Variants in KIF26A observed in about 807,000 individuals in gnomAD.
KIF26A encodes the protein kinesin family member 26A.
Under a neutral mutation model 126.0 loss-of-function variants are expected in KIF26A, and 74 were observed. That is an observed-to-expected ratio of 0.59 (90% confidence interval 0.49 to 0.71). The LOEUF (loss-of-function observed/expected upper bound fraction) is 0.71, where lower values mean the gene tolerates loss of function less well. Among genes scored for constraint, KIF26A ranks in the 30% least tolerant of loss-of-function variants. The pLI is 0.00. For missense variants in KIF26A, 2,984 were observed against 2,763.3 expected, an observed-to-expected ratio of 1.08 and a Z score of -1.79; for synonymous variants, 1,445 against 1,232.7, an observed-to-expected ratio of 1.17 and a Z score of -3.61.
chr14:104,180,024 C>T lies in KIF26A; in HGVS notation c.*234C>T. 1 of 451,000 alleles carries T rather than the reference C, an allele frequency of 2.2e-6. No individual in the cohort carries two copies. Among genetic ancestry groups the T allele is most frequent in the Non-Finnish European group, 3.9e-6 (1 of 258,098 alleles). The allele number at this position is 451,000 out of a possible 1,614,324, so 27.9% of individuals were successfully genotyped here. ...CACCACCCGACAGCAACGCAAGTGC[C>T]TTTGACCTTGATTTGGACTTTTCTC... On this transcript the variant is annotated 3_prime_UTR_variant, in exon 15 of 15. Coordinates refer to ENST00000423312, the MANE Select transcript of KIF26A (RefSeq NM_015656.2).
At chr14:104,156,356 G>T (rs1019031440) in intron 3 of KIF26A, among the ~76,000 whole-genome samples, 8 of 152,202 alleles carry the variant, frequency 5.3e-5, no homozygotes, top group African/African-American at 1.9e-4. Flanking sequence ...TTCCTGGCCT[G>T]CAGGCTGCTG....
rs971834512 is a variant in KIF26A at position 104,175,940 on chromosome 14, C to G, written c.3152C>G (p.Pro1051Arg). The part of the protein sequence containing the change: ...SLGALAGAGR[P>R]TSLASFDSDC... The stretch of plus-strand genomic sequence containing the variant: ...GGGGCGCTTGCCGGAGCTGGGCGGC[C>G]CACCAGCCTGGCTAGCTTCGACAGT... The change falls in exon 12 of 15, where the codon CCC (proline) becomes CGC (arginine). Residue 1051 changes from proline (P) to arginine (R), a missense_variant. Transcript: ENST00000423312. 15 of 1,560,596 alleles carry G rather than the reference C, an allele frequency of 9.6e-6. No homozygotes were observed. In the African/African-American group the frequency reaches 2.0e-4, roughly 21 times the overall value.
At position 104,151,890 on chromosome 14, in the gene KIF26A, T is replaced by TA; in HGVS notation, c.289-124dup. ...AAAGTGTTTGGGCTTATTAATCTGT[T>TA]ACGGATGGTGCGGTGGCCAGGCGGG... On this transcript the variant is annotated intron_variant, in intron 2 of 14. Coordinates refer to ENST00000423312, the MANE Select transcript of KIF26A (RefSeq NM_015656.2). This position sits in a 1 kb window ranked among gnomAD's most constrained non-coding sequence, Gnocchi z 4.9. The TA allele has an allele frequency of 1.3e-6, 1 of 757,692 alleles. No homozygotes were observed. The allele number at this position is 757,692 out of a possible 1,614,324, so 46.9% of individuals were successfully genotyped here.
At chr14:104,147,505 G>A (rs560233661) in intron 2 of KIF26A, among the ~76,000 whole-genome samples, 200 of 152,334 alleles carry the variant, frequency 1.3e-3, no homozygotes, top group African/African-American at 4.7e-3. Context: ...TGGCAGACCA[G>A]GGAGGGTCTG....
rs74963250 is a variant in KIF26A at position 104,146,546 on chromosome 14, C to A, written c.289-5469C>A. On this transcript the variant is annotated intron_variant, in intron 2 of 14. Transcript: ENST00000423312. ...CGGGTATGCAGAGGGTGGCGACCAC[C>A]GCAGATCCTCTGTGCCTGCTGCTGC... is the stretch of plus-strand genomic sequence containing the variant. Among the ~76,000 whole-genome samples, 821 of 152,138 alleles carry A rather than the reference C, an allele frequency of 5.4e-3. 5 individuals are homozygous for A. Among genetic ancestry groups the A allele is most frequent in the Middle Eastern group, 0.01 (3 of 294 alleles).
chr14:104,141,648 A>G (rs2037638429), intron 2 of KIF26A, among the ~76,000 whole-genome samples: 1 of 150,206 alleles, frequency 6.7e-6, no homozygotes, highest in Non-Finnish European at 1.5e-5. Flanking sequence ...AGGGAGGCGT[A>G]GAGGGTCGGG....
chr14:104,163,305 C>G (rs1295508177), intron 4 of KIF26A, among the ~76,000 whole-genome samples: 4 of 152,224 alleles, frequency 2.6e-5, no homozygotes, highest in Admixed American at 2.6e-4. Flanking sequence ...TGGGTTGTGG[C>G]TCTGCCCTCT....
At chr14:104,172,297 C>T (rs978148828) in intron 6 of KIF26A, among the ~76,000 whole-genome samples, 2 of 152,246 alleles carry the variant, frequency 1.3e-5, no homozygotes, top group African/African-American at 2.4e-5. Flanking sequence ...TCTCTCTGCG[C>T]GTGGTGGTCT....
intron 4 of KIF26A, among the ~76,000 whole-genome samples, chr14:104,160,031 G>A (rs1017768074): frequency 1.3e-5 from 2 of 152,224 alleles, no homozygotes; most frequent in Non-Finnish European, 1.5e-5. Flanking sequence ...CTCCACCCTC[G>A]AAGAGGACCT....
intron 4 of KIF26A, among the ~76,000 whole-genome samples, chr14:104,166,520 G>A (rs912728834): frequency 1.3e-5 from 2 of 152,148 alleles, no homozygotes; most frequent in Admixed American, 6.5e-5. Flanking sequence ...ACCCCCGGCA[G>A]CGGCTGCAGG....
At chr14:104,153,905 G>A (rs2037753794) in intron 3 of KIF26A, among the ~76,000 whole-genome samples, 2 of 152,348 alleles carry the variant, frequency 1.3e-5, no homozygotes, top group African/African-American at 4.8e-5. Context: ...AGCCCTGCTG[G>A]TGGATGGCAC....
rs373048166 is a variant in KIF26A at position 104,179,815 on chromosome 14, G to A, written c.*25G>A. On this transcript the variant is annotated 3_prime_UTR_variant, in exon 15 of 15. Transcript: ENST00000423312. ...AGGCTGGGCGCCGGACAAGAGGAGG[G>A]GGCGTGCAGCGGGCTGGAGGACGGG... 15 of 1,501,880 alleles carry A rather than the reference G, an allele frequency of 1.0e-5. No individual in the cohort carries two copies. The highest frequency in any genetic ancestry group is 1.4e-5 in the African/African-American group (1 of 72,428). 93.0% of individuals were successfully genotyped at this position (1,501,880 alleles called of 1,614,324 possible).
At chr14:104,173,946 TGCTGCTGTGGCCCCCA>T in intron 10 of KIF26A, 78 bp downstream of exon 10, 1 of 1,483,320 alleles carries the variant, frequency 6.7e-7, no homozygotes, top group Non-Finnish European at 9.0e-7. Flanking sequence ...GTGTGCCCGG[TGCTGCTGTGGCCCCCA>T]GCTCCTCAGG....
rs1215073395 is a variant in KIF26A at position 104,175,830 on chromosome 14, C to T, written c.3042C>T (p.Leu1014=). 6.5e-7 allele frequency: 1 copy of T among 1,538,824 alleles called. No individual in the cohort carries two copies. The highest frequency in any genetic ancestry group is 2.4e-5 in the East Asian group (1 of 41,018). Residue 1014 remains leucine (L), a synonymous_variant, in exon 12 of 15, where the codon CTC becomes CTT. Coordinates refer to ENST00000423312, the MANE Select transcript of KIF26A (RefSeq NM_015656.2). ...GTCGCTGTCCGGAGCGGGGCCTGCT[C>T]ACCACCACAGTGACCCTGCAGCGGC... ...AGSRCPERGL[L]TTTVTLQRPV... is the part of the protein sequence containing the mutation.
rs370601201 is a variant in KIF26A at position 104,176,560 on chromosome 14, G to T, written c.3772G>T (p.Gly1258Cys). The T allele has an allele frequency of 4.8e-5, 77 of 1,606,560 alleles. 1 individual carries two copies. Among genetic ancestry groups the T allele is most frequent in the Admixed American group, 2.7e-4 (16 of 59,994 alleles). Residue 1258 changes from glycine (G) to cysteine (C), a missense_variant, in exon 12 of 15, where the codon GGC becomes TGC. By Grantham distance (159) the Gly-to-Cys change is radical. Coordinates refer to ENST00000423312, the MANE Select transcript of KIF26A (RefSeq NM_015656.2). ...GECDTQAASA[G>C]RAPSPTLGSP... ...GTGTGATACCCAGGCAGCTTCTGCT[G>T]GCAGGGCCCCCAGCCCCACACTTGG...
chr14:104,159,306 G>C (rs140797680), intron 4 of KIF26A, among the ~76,000 whole-genome samples: 1 of 152,248 alleles, frequency 6.6e-6, no homozygotes, highest in Non-Finnish European at 1.5e-5. Flanking sequence ...GGGCCTGTGC[G>C]GCTGTTCTGG....
chr14:104,144,440 G>C (rs2037663750), intron 2 of KIF26A, among the ~76,000 whole-genome samples: 1 of 152,184 alleles, frequency 6.6e-6, no homozygotes, highest in South Asian at 2.1e-4. Flanking sequence ...GGGACTGCAG[G>C]CTACCCCCAA....
intron 2 of KIF26A, among the ~76,000 whole-genome samples, chr14:104,142,423 CGGCCCCCTGTGGCCT>C (rs1392636580): frequency 7.6e-6 from 1 of 130,732 alleles, no homozygotes; most frequent in Non-Finnish European, 1.8e-5. Flanking sequence ...TGGCCTGGAG[CGGCCCCCTGTGGCCT>C]GGCCTCCTGT....
chr14:104,143,756 C>T (rs1397183771), intron 2 of KIF26A, among the ~76,000 whole-genome samples: 1 of 152,262 alleles, frequency 6.6e-6, no homozygotes, highest in African/African-American at 2.4e-5. Context: ...CCGGCTTCCA[C>T]TGCTGCCAGG....
Sources: allele counts gnomAD v4.1 joint callset (sites outside exome capture counted in the v4.1 genomes callset), GRCh38; gene constraint gnomAD v4.1.1; non-coding constraint Gnocchi (gnomAD v3.1); transcripts MANE v1.5; gene names NCBI Gene and HGNC (gene_info 2026-07-23, HGNC 2026-07-21).